The following ADAM17 variants were observed in gnomAD, a reference collection of about 807,000 sequenced individuals.
ADAM17 encodes ADAM metallopeptidase domain 17.
In ADAM17, 39 loss-of-function variants were observed where a neutral mutation model predicts 96.7. The observed-to-expected ratio is 0.40, with a 90% CI of 0.31 to 0.53. ADAM17 has a LOEUF of 0.53. Ranked by LOEUF, ADAM17 falls within the 20% of genes least tolerant of loss-of-function variation. ADAM17 has a pLI of 0.44. For synonymous variants in ADAM17, 344 were observed against 359.2 expected, an observed-to-expected ratio of 0.96 and a Z score of 0.48; for missense variants, 777 against 1,013.2, an observed-to-expected ratio of 0.77 and a Z score of 3.17.
intron 10 of ADAM17, among the ~76,000 whole-genome samples, chr2:9,515,102 A>G (rs1028969206): frequency 1.3e-5 from 2 of 152,160 alleles, no homozygotes; most frequent in African/African-American, 2.4e-5. Flanking sequence ...ACAAATGCAT[A>G]ATGTCTTATA....
At chr2:9,552,942 G>A (rs1352060023) in intron 1 of ADAM17, among the ~76,000 whole-genome samples, 1 of 151,862 alleles carries the variant, frequency 6.6e-6, no homozygotes, top group Non-Finnish European at 1.5e-5. Context: ...AGTATTTGTA[G>A]GACAATAAAC....
chr2:9,551,245 A>G (rs1665582917), intron 1 of ADAM17, among the ~76,000 whole-genome samples: 1 of 152,034 alleles, frequency 6.6e-6, no homozygotes, highest in South Asian at 2.1e-4. Context: ...CAAAGAAAAA[A>G]AAAAAAGGAA....
intron 10 of ADAM17, among the ~76,000 whole-genome samples, chr2:9,516,811 T>G (rs1195555302): frequency 6.6e-6 from 1 of 152,166 alleles, no homozygotes; most frequent in East Asian, 1.9e-4. Context: ...TAATATGTCC[T>G]ACCAACATCT....
intron 11 of ADAM17, among the ~76,000 whole-genome samples, chr2:9,506,359 GTTTTTTTTTTT>G (rs769256744): frequency 4.1e-5 from 3 of 73,244 alleles, no homozygotes; most frequent in South Asian, 4.8e-4. Context: ...CTTCAAATCT[GTTTTTTTTTTT>G]TTTTTTTTTT....
intron 10 of ADAM17, 133 bp from the exon 11 acceptor site, chr2:9,510,264 A>T (rs1663660840): frequency 9.9e-7 from 1 of 1,007,944 alleles, no homozygotes; most frequent in African/African-American, 1.6e-5. Flanking sequence ...CATGCTTATA[A>T]TACCAGCACT....
At chr2:9,500,907 C>T (rs960526128) in intron 13 of ADAM17, among the ~76,000 whole-genome samples, 3 of 152,188 alleles carry the variant, frequency 2.0e-5, no homozygotes, top group Non-Finnish European at 4.4e-5. Flanking sequence ...AAAAGGACAA[C>T]TTATGAAGCT....
chr2:9,546,097 C>CAA (rs34936940), intron 1 of ADAM17, among the ~76,000 whole-genome samples: 31 of 88,146 alleles, frequency 3.5e-4, no homozygotes, highest in African/African-American at 4.8e-4. Flanking sequence ...GACCCAGTCT[C>CAA]AAAAAAAAAA....
intron 7 of ADAM17, chr2:9,522,107 A>C: frequency 3.7e-6 from 1 of 271,284 alleles, no homozygotes; most frequent in Non-Finnish European, 6.8e-6. Context: ...CTAAAGCAAA[A>C]AGAAAATTTA....
intron 10 of ADAM17, among the ~76,000 whole-genome samples, chr2:9,510,355 C>T (rs1034177694): frequency 6.6e-6 from 1 of 151,974 alleles, no homozygotes; most frequent in African/African-American, 2.4e-5. Context: ...CCTATCTCTA[C>T]AAAAATAATA....
chr2:9,535,832 A>G lies in ADAM17; in HGVS notation c.450+2T>C. The G allele has an allele frequency of 1.3e-6, 2 of 1,573,492 alleles. No homozygotes were observed. Among genetic ancestry groups the G allele is most frequent in the Non-Finnish European group, 8.7e-7 (1 of 1,155,400 alleles). ...TGAAAAAAAATTCACATATAAATTT[A>G]CCTCTATGTTATATTCGGCCCCATC... On this transcript the variant is annotated splice_donor_variant, in intron 4 of 18. Coordinates refer to ENST00000310823, the MANE Select transcript of ADAM17 (RefSeq NM_003183.6). LOFTEE classifies it high-confidence loss of function.
In ADAM17 at chr2:9,510,105, T is replaced by C. The variant is rs753895855; in HGVS notation, c.1218A>G (p.Glu406=). The change falls in exon 11 of 19, where the codon GAA becomes GAG. Residue 406 remains glutamate (E), a synonymous_variant. Transcript: ENST00000310823. ...GTTCTGCTCCAAAATTATGTCCCAA[T>C]TCATGAGTTGTAACCAGGTCAGCTT... The part of the protein sequence containing the change: ...TKEADLVTTH[E]LGHNFGAEHD... 2 of 1,614,174 alleles carry C rather than the reference T, an allele frequency of 1.2e-6. No homozygotes were observed. Among genetic ancestry groups the C allele is most frequent in the Admixed American group, 1.7e-5 (1 of 60,020 alleles).
rs183384401 is a variant in ADAM17, at chr2:9,493,934, C to T, written c.1915-109G>A. The T allele has an allele frequency of 1.7e-4, 149 of 873,400 alleles. No individual in the cohort carries two copies. The East Asian group carries it at 3.9e-3, about 23-fold the overall frequency. The allele number at this position is 873,400 out of a possible 1,614,324, so 54.1% of individuals were successfully genotyped here. ...TGTAAAGGGCTTCATTAAAATCAAA[C>T]GTTTTCCCATCTTTGACACAAGGCA... On this transcript the variant is annotated intron_variant, in intron 15 of 18. Transcript: ENST00000310823.
rs1172335536 is a variant in ADAM17, at chr2:9,488,885, G to A, written c.*1292C>T. The A allele has an allele frequency of 6.6e-6, 1 of 152,202 alleles. No individual in the cohort carries two copies. Among genetic ancestry groups the A allele is most frequent in the Non-Finnish European group, 1.5e-5 (1 of 68,050 alleles). The allele number at this position is 152,202 out of a possible 1,614,324, so 9.4% of individuals were successfully genotyped here. Reference sequence around the variant, plus strand: ...TTTACAAGTTAAAATGTTTTGGCTGGTGAGCACATTTCAGTTCTTAGGGGA... The same window carrying A: ...TTTACAAGTTAAAATGTTTTGGCTGATGAGCACATTTCAGTTCTTAGGGGA... On this transcript the variant is annotated 3_prime_UTR_variant, in exon 19 of 19. Coordinates refer to ENST00000310823, the MANE Select transcript of ADAM17 (RefSeq NM_003183.6).
In ADAM17 at chr2:9,492,916, G is replaced by T; in HGVS notation, c.2064C>A (p.Ser688Arg). Residue 688 changes from serine (S) to arginine (R), a missense_variant, in exon 17 of 19, where the codon AGC (serine) becomes AGA (arginine). Physicochemically the swap from Ser to Arg is moderately radical, Grantham distance 110. This residue lies in a region of ADAM17 where 197 missense variants were observed against 219.4 expected (regional missense o/e 0.90). Coordinates refer to ENST00000310823, the MANE Select transcript of ADAM17 (RefSeq NM_003183.6). ...VFSLIFWIPF[S>R]ILVHCVDKKL... ...GACTTACCACACAATGGACAAGAAT[G>T]CTGAAAGGAATCCAAAATATCAAGG... 6.2e-7 allele frequency: 1 copy of T among 1,612,618 alleles called. No homozygotes were observed. The highest frequency in any genetic ancestry group is 8.5e-7 in the Non-Finnish European group (1 of 1,179,118).
At chr2:9,547,011 T>C (rs531072048) in intron 1 of ADAM17, among the ~76,000 whole-genome samples, 3 of 152,264 alleles carry the variant, frequency 2.0e-5, no homozygotes, top group East Asian at 3.9e-4. Context: ...CCAGCCCATA[T>C]TCTCTCTTTA....
At chr2:9,554,852 T>G (rs1487725426) in intron 1 of ADAM17, among the ~76,000 whole-genome samples, 1 of 152,118 alleles carries the variant, frequency 6.6e-6, no homozygotes, top group Non-Finnish European at 1.5e-5. Context: ...TGTTTAAAAG[T>G]GCAAGGAAAG....
chr2:9,511,207 G>T, intron 10 of ADAM17, among the ~76,000 whole-genome samples: 1 of 152,188 alleles, frequency 6.6e-6, no homozygotes, highest in East Asian at 1.9e-4. Context: ...CCAGCACTTT[G>T]GGAGGCCAAG....
intron 15 of ADAM17, among the ~76,000 whole-genome samples, chr2:9,494,311 T>C (rs1241549150): frequency 1.3e-5 from 2 of 152,166 alleles, no homozygotes; most frequent in African/African-American, 2.4e-5. Flanking sequence ...CCCTGAATAA[T>C]TTTGCAATCT....
At chr2:9,505,398 T>C in intron 11 of ADAM17, 33 bp from the exon 12 acceptor site, 2 of 1,569,640 alleles carry the variant, frequency 1.3e-6, no homozygotes, top group South Asian at 2.2e-5. Context: ...GGACCCAAAA[T>C]AATATCATAA....
Sources: allele counts gnomAD v4.1 joint callset (sites outside exome capture counted in the v4.1 genomes callset), GRCh38; gene constraint gnomAD v4.1.1; regional missense constraint gnomAD v4.1.1; transcripts MANE v1.5; gene names NCBI Gene and HGNC (gene_info 2026-07-23, HGNC 2026-07-21).